Variants in GPI observed in about 807,000 individuals in gnomAD.
GPI encodes D-hexose-6-phosphate anomerase.
In GPI, 56 loss-of-function variants were observed where a neutral mutation model predicts 75.8. The ratio of observed to expected loss-of-function variants is 0.74; its 90% confidence interval spans 0.60 to 0.92. GPI has a LOEUF of 0.92. GPI is among the 40% of genes least tolerant of loss of function. The probability of loss-of-function intolerance (pLI) is 0.00; values close to 1 mark genes in which losing one functional copy is unlikely to be tolerated. For missense variants in GPI, 638 were observed against 741.0 expected, an observed-to-expected ratio of 0.86 and a Z score of 1.61; for synonymous variants, 288 against 285.4, an observed-to-expected ratio of 1.01 and a Z score of -0.09.
chr19:34,367,092 T>C (rs2074378607), intron 3 of GPI: 1 of 666,242 alleles, frequency 1.5e-6, no homozygotes, highest in Non-Finnish European at 2.8e-6. Context: ...GCATATCTCA[T>C]ACCCACAGGG....
At chr19:34,370,869 G>T (rs535901433) in intron 4 of GPI, among the ~76,000 whole-genome samples, 11 of 152,366 alleles carry the variant, frequency 7.2e-5, no homozygotes, top group African/African-American at 2.4e-4. Flanking sequence ...ACTGAGCTGA[G>T]ATTGTGCCAC....
intron 9 of GPI, among the ~76,000 whole-genome samples, chr19:34,390,079 G>A (rs1035256076): frequency 1.2e-4 from 18 of 152,166 alleles, no homozygotes; most frequent in Non-Finnish European, 2.5e-4. Flanking sequence ...CAGGAGGTGG[G>A]GTGAGGCACA....
intron 3 of GPI, among the ~76,000 whole-genome samples, chr19:34,368,336 G>T (rs1036096791): frequency 1.3e-5 from 2 of 152,168 alleles, no homozygotes; most frequent in Non-Finnish European, 2.9e-5. Context: ...AGGCCTTCGG[G>T]GCCTGTCCTA....
At chr19:34,366,306 G>C in intron 1 of GPI, 39 bp from the exon 2 acceptor site, 1 of 1,307,424 alleles carries the variant, frequency 7.6e-7, no homozygotes, top group South Asian at 1.2e-5. Context: ...CCGCTAGGGA[G>C]ACCAGGGTGT....
At position 34,366,371 on chromosome 19, in the gene GPI, A is replaced by G. The variant is rs2074365540; in HGVS notation, c.149A>G (p.His50Arg). The change falls in exon 2 of 18, where the codon CAT becomes CGT. Residue 50 changes from histidine to arginine, a missense_variant. Physicochemically the swap from His to Arg is conservative, Grantham distance 29. Transcript: ENST00000356487. Reference protein sequence around the residue: ...FSLTLNTNHGHILVDYSKNLV... With the variant: ...FSLTLNTNHGRILVDYSKNLV... ...TTGACCCTCAACACCAACCATGGGC[A>G]TATCCTGGTGGATTACTCCAAGAAC... 2 of 1,612,942 alleles carry G rather than the reference A, an allele frequency of 1.2e-6. No individual in the cohort carries two copies. The highest frequency in any genetic ancestry group is 1.7e-5 in the Admixed American group (1 of 60,004).
chr19:34,373,018 C>T (rs2074478739), intron 4 of GPI, among the ~76,000 whole-genome samples: 1 of 151,856 alleles, frequency 6.6e-6, no homozygotes, highest in Non-Finnish European at 1.5e-5. Context: ...ATAATCTGTC[C>T]ACCTCAGCCT....
intron 4 of GPI, among the ~76,000 whole-genome samples, chr19:34,373,063 T>C (rs1250712821): frequency 2.0e-5 from 3 of 151,568 alleles, no homozygotes; most frequent in African/African-American, 7.3e-5. Flanking sequence ...TGAGCCACCG[T>C]GCCCAGCCTA....
Position 34,365,214 on chromosome 19 carries a change from G to C in GPI, c.-53G>C. On this transcript the variant is annotated 5_prime_UTR_variant, in exon 1 of 18. Coordinates refer to ENST00000356487, the MANE Select transcript of GPI (RefSeq NM_000175.5). Reference sequence around the variant, plus strand: ...GCGCCTCGCTTGCTGCGCGCTGCCGGCGCTCCTTCCTCCTCGGCTCGCGTC... The same window carrying C: ...GCGCCTCGCTTGCTGCGCGCTGCCGCCGCTCCTTCCTCCTCGGCTCGCGTC... 2.1e-6 allele frequency: 3 copies of C among 1,415,416 alleles called. No homozygotes were observed. The highest frequency in any genetic ancestry group is 3.3e-5 in the South Asian group (2 of 60,862). 87.7% of individuals were successfully genotyped at this position (1,415,416 alleles called of 1,614,324 possible).
At chr19:34,380,225 A>T (rs2074628400) in intron 8 of GPI, among the ~76,000 whole-genome samples, 1 of 151,632 alleles carries the variant, frequency 6.6e-6, no homozygotes, top group African/African-American at 2.4e-5. Flanking sequence ...CTGACTCCTG[A>T]CCTTAAGTGA....
At chr19:34,388,203 G>T (rs1254377047) in intron 9 of GPI, among the ~76,000 whole-genome samples, 1 of 152,184 alleles carries the variant, frequency 6.6e-6, no homozygotes, top group African/African-American at 2.4e-5. Context: ...GTTGCCAGGC[G>T]CAGTGGCTCA....
upstream of GPI, chr19:34,363,532 C>G (rs1215846660): frequency 6.6e-6 from 1 of 151,846 alleles, no homozygotes; most frequent in Non-Finnish European, 1.5e-5. Context: ...TCTCAGAACC[C>G]CCGTAGAGGC....
At chr19:34,379,988 TTG>T (rs1491077703) in intron 8 of GPI, 1,649 of 160,850 alleles carry the variant, frequency 0.01, 219 homozygotes, top group African/African-American at 0.022. Context: ...GTGTGTGGTT[TTG>T]TTTTTTTTTT....
At chr19:34,376,173 C>G (rs1568332214) in intron 4 of GPI, among the ~76,000 whole-genome samples, 1 of 152,076 alleles carries the variant, frequency 6.6e-6, no homozygotes, top group Non-Finnish European at 1.5e-5. Flanking sequence ...CCTGTAATCC[C>G]AACACTTTGG....
intron 4 of GPI, among the ~76,000 whole-genome samples, 163 bp from the exon 5 acceptor site, chr19:34,377,325 AAAAAAAAAAAAATAT>A (rs2074556026): frequency 6.2e-5 from 6 of 96,370 alleles, no homozygotes; most frequent in African/African-American, 2.3e-4. Flanking sequence ...AAAAAAAAAA[AAAAAAAAAAAAATAT>A]ATATATATAT....
Position 34,365,286 on chromosome 19 carries a change from A to G in GPI, c.20A>G (p.Asp7Gly). The G allele has an allele frequency of 1.3e-6, 2 of 1,577,904 alleles. No homozygotes were observed. Among genetic ancestry groups the G allele is most frequent in the Non-Finnish European group, 1.7e-6 (2 of 1,164,916 alleles). MAALTR[D>G]PQFQKLQQWY... is the part of the protein sequence containing the mutation. ...CCCGCCATGGCCGCTCTCACCCGGG[A>G]CCCCCAGTTCCAGAAGCTGCAGCAA... The change falls in exon 1 of 18, where the codon GAC (aspartate) becomes GGC (glycine). Residue 7 changes from aspartate (D) to glycine (G), a missense_variant. Transcript: ENST00000356487.
chr19:34,378,845 A>G, intron 6 of GPI, 89 bp from the exon 7 acceptor site: 1 of 906,826 alleles, frequency 1.1e-6, no homozygotes, highest in Non-Finnish European at 1.9e-6. Context: ...ACAGCTGGGC[A>G]TTGCCTTGGC....
chr19:34,370,791 G>A (rs1366525113), intron 4 of GPI, among the ~76,000 whole-genome samples: 1 of 152,038 alleles, frequency 6.6e-6, no homozygotes, highest in Non-Finnish European at 1.5e-5. Context: ...GCTAGGTGTG[G>A]TGGTGTATCC....
At chr19:34,395,137 G>C (rs941898132) in intron 12 of GPI, among the ~76,000 whole-genome samples, 4 of 152,198 alleles carry the variant, frequency 2.6e-5, no homozygotes, top group Admixed American at 1.3e-4. Context: ...GAGAGGCCAA[G>C]GTTCCCCAAA....
At position 34,368,737 on chromosome 19, in the gene GPI, G is replaced by T. The variant is rs116179274; in HGVS notation, c.402+35G>T. 4.1e-4 allele frequency: 659 copies of T among 1,612,796 alleles called. 3 individuals are homozygous for T. In the African/African-American group the frequency reaches 8.2e-3, roughly 20 times the overall value. On this transcript the variant is annotated intron_variant, in intron 4 of 17. Coordinates refer to ENST00000356487, the MANE Select transcript of GPI (RefSeq NM_000175.5). ...TACTGGGCCGGACTCACCCTTGGCC[G>T]TGTGTGTGAGTTATTTGGGAATCTG...
Sources: allele counts gnomAD v4.1 joint callset (sites outside exome capture counted in the v4.1 genomes callset), GRCh38; gene constraint gnomAD v4.1.1; transcripts MANE v1.5; gene names NCBI Gene and HGNC (gene_info 2026-07-23, HGNC 2026-07-21).